The following SENP6 variants were observed in gnomAD, a reference collection of about 807,000 sequenced individuals.
SENP6 encodes the protein SUMO specific peptidase 6, also known as sentrin-specific protease 6.
A neutral mutation model predicts 134.5 loss-of-function variants in SENP6; 41 were observed. The ratio of observed to expected loss-of-function variants is 0.30; its 90% CI spans 0.24 to 0.40. The LOEUF (loss-of-function observed/expected upper bound fraction) is 0.40, where lower values mean the gene tolerates loss of function less well. SENP6 is among the 10% of genes least tolerant of loss of function. SENP6 has a pLI of 1.00. For missense variants in SENP6, 1,248 were observed against 1,312.5 expected, an observed-to-expected ratio of 0.95 and a Z score of 0.76; for synonymous variants, 395 against 429.8, an observed-to-expected ratio of 0.92 and a Z score of 1.00.
At chr6:75,639,957 C>T (rs138314370) in intron 5 of SENP6, among the ~76,000 whole-genome samples, 131 of 152,256 alleles carry the variant, frequency 8.6e-4, no homozygotes, top group African/African-American at 3.1e-3. Flanking sequence ...CAACAGTAGT[C>T]TCCTCCTTAT....
At chr6:75,628,601 G>T (rs1029926763) in intron 3 of SENP6, among the ~76,000 whole-genome samples, 1 of 152,068 alleles carries the variant, frequency 6.6e-6, no homozygotes, top group African/African-American at 2.4e-5. Context: ...CATAACAATT[G>T]TACATATTTA....
chr6:75,606,632 C>T (rs180946651), intron 1 of SENP6, among the ~76,000 whole-genome samples: 46 of 152,220 alleles, frequency 3.0e-4, no homozygotes, highest in Admixed American at 1.4e-3. Context: ...ATTGTTTATA[C>T]AAGTTGAACA....
intron 11 of SENP6, 92 bp from the exon 12 acceptor site, chr6:75,675,343 A>C: frequency 1.4e-6 from 1 of 711,538 alleles, no homozygotes; most frequent in Non-Finnish European, 2.4e-6. Flanking sequence ...ATAAACGAGT[A>C]ATATAAGAAA....
At position 75,623,911 on chromosome 6, in the gene SENP6, T is replaced by C. The variant is rs372365575; in HGVS notation, c.158T>C (p.Leu53Pro). 1 of 1,607,272 alleles carries C rather than the reference T, an allele frequency of 6.2e-7. No homozygotes were observed. Among genetic ancestry groups the C allele is most frequent in the South Asian group, 1.1e-5 (1 of 89,568 alleles). ...EGDTDKDGTN[L>P]LSVDEDEDSE... ...TATTTTCTGTGTAGTGGGACAAATC[T>C]GCTCAGTGTGGATGAAGATGAGGAT... The change falls in exon 3 of 24, where the codon CTG (leucine) becomes CCG (proline). Residue 53 changes from leucine to proline, a missense_variant. Leu to Pro is a moderately conservative substitution (Grantham distance 98). Transcript: ENST00000447266.
intron 7 of SENP6, among the ~76,000 whole-genome samples, chr6:75,652,904 ATTTAT>A (rs1771011892): frequency 6.6e-6 from 1 of 151,870 alleles, no homozygotes. Context: ...GGCCATTTGA[ATTTAT>A]TTTATTTATG....
At chr6:75,607,702 C>T (rs1767130161) in intron 1 of SENP6, among the ~76,000 whole-genome samples, 1 of 152,096 alleles carries the variant, frequency 6.6e-6, no homozygotes, top group African/African-American at 2.4e-5. Flanking sequence ...ACCTTGTCTA[C>T]TAGGTTGAAA....
chr6:75,646,319 G>C (rs1001924113), intron 6 of SENP6, among the ~76,000 whole-genome samples: 4 of 152,122 alleles, frequency 2.6e-5, no homozygotes, highest in Admixed American at 6.5e-5. Context: ...AGTTTTACCA[G>C]ATGTTGCTCT....
At chr6:75,682,644 G>A (rs1000351412) in intron 16 of SENP6, among the ~76,000 whole-genome samples, 9 of 152,104 alleles carry the variant, frequency 5.9e-5, no homozygotes, top group East Asian at 1.9e-4. Context: ...CTATGAGTGA[G>A]AACATGCTGT....
In SENP6 at chr6:75,702,848, A is replaced by C. The variant is rs1429471009; in HGVS notation, c.2492A>C (p.Lys831Thr). The change falls in exon 19 of 24, where the codon AAA becomes ACA. Residue 831 changes from lysine (K) to threonine (T), a missense_variant. Lys to Thr is a moderately conservative substitution (Grantham distance 78). Coordinates refer to ENST00000447266, the MANE Select transcript of SENP6 (RefSeq NM_015571.4). ...KPVIKKMLNK[K>T]HCIAVIDSNP... ...GTAATTAAGAAGATGCTAAACAAAA[A>C]ACATTGCATAGCTGTAATTGATTCC... 6.2e-6 allele frequency: 10 copies of C among 1,614,038 alleles called. No homozygotes were observed. Among genetic ancestry groups the C allele is most frequent in the Non-Finnish European group, 7.6e-6 (9 of 1,179,994 alleles).
intron 1 of SENP6, among the ~76,000 whole-genome samples, chr6:75,608,236 G>A (rs2149817411): frequency 6.6e-6 from 1 of 152,262 alleles, no homozygotes; most frequent in South Asian, 2.1e-4. Context: ...CAAGGCAGGA[G>A]GATTGCTTGA....
At chr6:75,675,161 G>A (rs1476198281) in intron 11 of SENP6, among the ~76,000 whole-genome samples, 1 of 151,150 alleles carries the variant, frequency 6.6e-6, no homozygotes, top group Non-Finnish European at 1.5e-5. Context: ...ACCTGCACAT[G>A]TACCCCTGAA....
At chr6:75,703,262 C>T (rs995906274) in intron 19 of SENP6, among the ~76,000 whole-genome samples, 190 bp downstream of exon 19, 27 of 151,636 alleles carry the variant, frequency 1.8e-4, no homozygotes, top group Admixed American at 1.4e-3. Flanking sequence ...TTGAGACCAG[C>T]GTGGGCAACA....
intron 3 of SENP6, among the ~76,000 whole-genome samples, chr6:75,631,150 G>C (rs1383366427): frequency 6.6e-6 from 1 of 151,886 alleles, no homozygotes; most frequent in Non-Finnish European, 1.5e-5. Context: ...TTGTTTTTCA[G>C]AATTTAAGTG....
intron 16 of SENP6, among the ~76,000 whole-genome samples, chr6:75,689,447 GA>G (rs1301653642): frequency 6.6e-6 from 1 of 152,094 alleles, no homozygotes; most frequent in Non-Finnish European, 1.5e-5. Context: ...AATAAGTGTT[GA>G]TGAGGATGTG....
chr6:75,669,948 T>C (rs998449060), intron 10 of SENP6, among the ~76,000 whole-genome samples: 2 of 152,124 alleles, frequency 1.3e-5, no homozygotes, highest in African/African-American at 4.8e-5. Flanking sequence ...ATTTTTTTTT[T>C]TTAAGAAGGA....
At chr6:75,621,674 A>G (rs1768283364) in intron 2 of SENP6, 49 bp downstream of exon 2, 9 of 1,106,146 alleles carry the variant, frequency 8.1e-6, no homozygotes, top group African/African-American at 1.6e-5. Flanking sequence ...AAAACTTCTC[A>G]TTAGAAAAAC....
intron 19 of SENP6, among the ~76,000 whole-genome samples, chr6:75,704,222 G>C (rs1775234655): frequency 6.6e-6 from 1 of 152,156 alleles, no homozygotes. Flanking sequence ...TCAAGGACCT[G>C]CCCCGTCACC....
chr6:75,626,060 A>AT (rs980772237), intron 3 of SENP6, among the ~76,000 whole-genome samples: 2 of 152,098 alleles, frequency 1.3e-5, no homozygotes, highest in African/African-American at 4.8e-5. Context: ...AAATTAGTAT[A>AT]TTTTTAAGTA....
intron 13 of SENP6, among the ~76,000 whole-genome samples, chr6:75,676,330 A>T (rs1393043959): frequency 6.6e-6 from 1 of 152,114 alleles, no homozygotes; most frequent in Non-Finnish European, 1.5e-5. Context: ...CTTAACTAAC[A>T]CTGTAATCTG....
Sources: gnomAD v4.1 joint callset for allele counts (sites outside exome capture counted in the v4.1 genomes callset) on GRCh38, gnomAD v4.1.1 for gene constraint, MANE v1.5 for transcripts, NCBI Gene and HGNC (gene_info 2026-07-23, HGNC 2026-07-21) for gene names.